Variants in SPSB4 observed in about 807,000 individuals in gnomAD.
SPSB4 encodes the protein splA/ryanodine receptor domain and SOCS box containing 4.
A neutral mutation model predicts 20.9 loss-of-function variants in SPSB4; 21 were observed. The ratio of observed to expected loss-of-function variants is 1.01; its 90% CI spans 0.71 to 1.45. SPSB4 has a LOEUF of 1.45. Ranked by LOEUF, SPSB4 falls within the 40% of genes most tolerant of loss-of-function variation. The probability of loss-of-function intolerance (pLI) is 0.00; values close to 1 mark genes in which losing one functional copy is unlikely to be tolerated. For synonymous variants in SPSB4, 207 were observed against 183.8 expected (o/e 1.13, Z -1.02); for missense variants, 399 against 399.2 (o/e 1.00, Z 0.00).
chr3:141,107,769 C>A (rs1047553757), intron 2 of SPSB4, among the ~76,000 whole-genome samples: 9 of 152,136 alleles, frequency 5.9e-5, no homozygotes, highest in African/African-American at 1.4e-4. Context: ...CCAGCCTGGG[C>A]AACATGGTGA....
chr3:141,111,026 T>G (rs1315478370), intron 2 of SPSB4, among the ~76,000 whole-genome samples: 1 of 152,232 alleles, frequency 6.6e-6, no homozygotes, highest in Non-Finnish European at 1.5e-5. Flanking sequence ...ACTTCTGGCT[T>G]GAACTCTATC....
chr3:141,103,383 C>A (rs1938642370), intron 2 of SPSB4, among the ~76,000 whole-genome samples: 1 of 152,298 alleles, frequency 6.6e-6, no homozygotes, highest in African/African-American at 2.4e-5. Context: ...AGCTTCCCAT[C>A]CAGCTCACTC....
At chr3:141,057,575 C>T (rs1312787625) in intron 1 of SPSB4, among the ~76,000 whole-genome samples, 1 of 152,130 alleles carries the variant, frequency 6.6e-6, no homozygotes, top group Non-Finnish European at 1.5e-5. Context: ...ATGAGGGACA[C>T]CCGGCCCCTG....
intron 2 of SPSB4, among the ~76,000 whole-genome samples, chr3:141,070,208 A>C (rs1937971583): frequency 6.6e-6 from 1 of 151,568 alleles, no homozygotes; most frequent in Non-Finnish European, 1.5e-5. Flanking sequence ...GGGCACAAAT[A>C]ATAATAATAA....
intron 1 of SPSB4, among the ~76,000 whole-genome samples, chr3:141,063,673 G>T (rs181951888): frequency 2.0e-5 from 3 of 152,230 alleles, no homozygotes; most frequent in Admixed American, 2.0e-4. Context: ...GAGTTTGCTT[G>T]GTTTGCCATG....
intron 2 of SPSB4, among the ~76,000 whole-genome samples, chr3:141,137,265 G>A (rs987178174): frequency 6.6e-6 from 1 of 152,140 alleles, no homozygotes; most frequent in Non-Finnish European, 1.5e-5. Context: ...TTTTCTAGAT[G>A]TACAATCATG....
At chr3:141,095,409 G>C (rs1379054549) in intron 2 of SPSB4, among the ~76,000 whole-genome samples, 4 of 152,058 alleles carry the variant, frequency 2.6e-5, no homozygotes, top group Non-Finnish European at 4.4e-5. Context: ...GGCTGTCCTG[G>C]GGCGCAGAAC....
intron 2 of SPSB4, among the ~76,000 whole-genome samples, chr3:141,120,173 A>G (rs1938944408): frequency 6.6e-6 from 1 of 152,122 alleles, no homozygotes; most frequent in Non-Finnish European, 1.5e-5. Flanking sequence ...TCATTTATTT[A>G]CCTATTAGTC....
chr3:141,052,500 A>G (rs1936111502), intron 1 of SPSB4, among the ~76,000 whole-genome samples: 2 of 152,134 alleles, frequency 1.3e-5, no homozygotes, highest in Admixed American at 6.5e-5. Flanking sequence ...TTGTTATCCA[A>G]CTTTCCGAAG....
chr3:141,059,284 T>C (rs147313616), intron 1 of SPSB4, among the ~76,000 whole-genome samples: 450 of 152,280 alleles, frequency 3.0e-3, no homozygotes, highest in African/African-American at 7.5e-3. Context: ...TGGGGCTTTG[T>C]GTTAGGCCAT....
chr3:141,111,467 G>A (rs1938797458), intron 2 of SPSB4, among the ~76,000 whole-genome samples: 1 of 139,542 alleles, frequency 7.2e-6, no homozygotes, highest in South Asian at 2.4e-4. Flanking sequence ...TCTGAGCACA[G>A]GGCCCAGCAC....
intron 2 of SPSB4, among the ~76,000 whole-genome samples, chr3:141,079,069 G>A (rs1938172284): frequency 6.6e-6 from 1 of 152,118 alleles, no homozygotes; most frequent in African/African-American, 2.4e-5. Context: ...AGACCATCCT[G>A]GCTAACATGG....
At chr3:141,126,973 A>G (rs1939058470) in intron 2 of SPSB4, among the ~76,000 whole-genome samples, 1 of 152,206 alleles carries the variant, frequency 6.6e-6, no homozygotes, top group Non-Finnish European at 1.5e-5. Context: ...AAGGGATGGG[A>G]CCTTCTTCCA....
intron 2 of SPSB4, among the ~76,000 whole-genome samples, chr3:141,132,782 A>G (rs371324382): frequency 6.6e-6 from 1 of 152,160 alleles, no homozygotes; most frequent in Non-Finnish European, 1.5e-5. Context: ...TGTCTTGTTC[A>G]TATAATAACT....
chr3:141,062,252 C>A (rs1310337962), intron 1 of SPSB4, among the ~76,000 whole-genome samples: 2 of 151,814 alleles, frequency 1.3e-5, no homozygotes, highest in Non-Finnish European at 2.9e-5. Context: ...GGGGAAGACA[C>A]CCAAAGGAAG....
intron 1 of SPSB4, among the ~76,000 whole-genome samples, chr3:141,062,820 A>G (rs1937790134): frequency 6.6e-6 from 1 of 152,218 alleles, no homozygotes; most frequent in Non-Finnish European, 1.5e-5. Flanking sequence ...TGATCATTCC[A>G]TGAACACTTG....
chr3:141,051,949 C>G lies in SPSB4; in HGVS notation c.-197C>G, dbSNP rs1936099541. The G allele has an allele frequency of 1.3e-5, 2 of 152,286 alleles. No homozygotes were observed. Among genetic ancestry groups the G allele is most frequent in the Admixed American group, 1.3e-4 (2 of 15,290 alleles). The allele number at this position is 152,286 out of a possible 1,614,324, so 9.4% of individuals were successfully genotyped here. ...CTCCAGGGAGTCCAGGACCTGCCAGCGCTGGGGATTCTTCCCGAACAGGCG... is the reference window on the plus strand; with the variant it reads ...CTCCAGGGAGTCCAGGACCTGCCAGGGCTGGGGATTCTTCCCGAACAGGCG... On this transcript the variant is annotated 5_prime_UTR_variant, in exon 1 of 3. Transcript: ENST00000310546.
In SPSB4 at chr3:141,066,189, G is replaced by A. The variant is rs1937867137; in HGVS notation, c.85G>A (p.Ala29Thr). ...GCCGGCCAAGCGGGAGCTGCGGGGT[G>A]CAGAGCCCGGGCGGCCGGCGCGGCT... ...LRPAKRELRG[A>T]EPGRPARLDQ... The change falls in exon 2 of 3, where the codon GCA becomes ACA. Residue 29 changes from alanine (A) to threonine (T), a missense_variant. By Grantham distance (58) the Ala-to-Thr change is moderately conservative (BLOSUM62 0). Transcript: ENST00000310546. 1.3e-6 allele frequency: 2 copies of A among 1,532,134 alleles called. No individual in the cohort carries two copies. The highest frequency in any genetic ancestry group is 1.8e-6 in the Non-Finnish European group (2 of 1,141,282). The allele number at this position is 1,532,134 out of a possible 1,614,324, so 94.9% of individuals were successfully genotyped here.
chr3:141,080,919 G>T (rs1243374268), intron 2 of SPSB4, among the ~76,000 whole-genome samples: 1 of 152,220 alleles, frequency 6.6e-6, no homozygotes, highest in East Asian at 1.9e-4. Context: ...TTGTCTGGGA[G>T]CCAGGAAACC....
Sources: gnomAD v4.1 joint callset for allele counts (sites outside exome capture counted in the v4.1 genomes callset) on GRCh38, gnomAD v4.1.1 for gene constraint, MANE v1.5 for transcripts, NCBI Gene and HGNC (gene_info 2026-07-23, HGNC 2026-07-21) for gene names.